Variants in PLS1 observed in about 807,000 individuals in gnomAD.
PLS1 encodes the protein plastin-1.
In PLS1, 32 loss-of-function variants were observed where a neutral mutation model predicts 73.7. That is an observed-to-expected ratio of 0.43 (90% CI 0.33 to 0.58). The LOEUF (loss-of-function observed/expected upper bound fraction) is 0.58, where lower values mean the gene tolerates loss of function less well. Ranked by LOEUF, PLS1 falls within the 20% of genes least tolerant of loss-of-function variation. The pLI, the probability that PLS1 is intolerant of heterozygous loss-of-function variation, is 0.04. For synonymous variants in PLS1, 217 were observed against 261.3 expected (o/e 0.83, Z 1.63); for missense variants, 633 against 740.5 (o/e 0.85, Z 1.68).
At chr3:142,693,345 C>G (rs1183619929) in intron 10 of PLS1, among the ~76,000 whole-genome samples, 1 of 152,130 alleles carries the variant, frequency 6.6e-6, no homozygotes, top group Non-Finnish European at 1.5e-5. Flanking sequence ...CTTTGGCACT[C>G]AATGTGAAGA....
intron 1 of PLS1, among the ~76,000 whole-genome samples, chr3:142,611,928 A>G (rs1334895355): frequency 6.6e-6 from 1 of 152,182 alleles, no homozygotes; most frequent in Non-Finnish European, 1.5e-5. Flanking sequence ...AGACTCAGAA[A>G]GGTTAAATGA....
chr3:142,705,199 C>G (rs369194317), intron 14 of PLS1, among the ~76,000 whole-genome samples: 1 of 151,858 alleles, frequency 6.6e-6, no homozygotes, highest in East Asian at 1.9e-4. Flanking sequence ...AAAAAAAATC[C>G]AGTTATCAAA....
At chr3:142,687,457 AT>A (rs1560069365) in intron 9 of PLS1, among the ~76,000 whole-genome samples, 1 of 152,212 alleles carries the variant, frequency 6.6e-6, no homozygotes, top group Non-Finnish European at 1.5e-5. Context: ...GTCATTACTA[AT>A]TAATTATATC....
chr3:142,655,443 G>A (rs1433764726), intron 1 of PLS1, among the ~76,000 whole-genome samples: 1 of 152,058 alleles, frequency 6.6e-6, no homozygotes, highest in African/African-American at 2.4e-5. Flanking sequence ...ATCACAAGCC[G>A]GGCACCGTGG....
chr3:142,683,854 T>C, intron 6 of PLS1, 152 bp from the exon 7 acceptor site: 1 of 588,840 alleles, frequency 1.7e-6, no homozygotes, highest in South Asian at 2.6e-5. Flanking sequence ...TAAAACCATG[T>C]GTTTTTTTTT....
At chr3:142,606,063 C>G (rs1213481286) in intron 1 of PLS1, among the ~76,000 whole-genome samples, 4 of 152,146 alleles carry the variant, frequency 2.6e-5, no homozygotes, top group Admixed American at 6.5e-5. Flanking sequence ...TTGTAATTTT[C>G]TAGTAATTCA....
intron 6 of PLS1, among the ~76,000 whole-genome samples, chr3:142,679,881 T>C (rs370088995): frequency 0.014 from 2,096 of 152,112 alleles, 19 homozygotes; most frequent in Non-Finnish European, 0.023. Context: ...GCCATTTTCA[T>C]GATATTGATT....
At chr3:142,672,549 T>C (rs1379327993) in intron 4 of PLS1, among the ~76,000 whole-genome samples, 1 of 152,044 alleles carries the variant, frequency 6.6e-6, no homozygotes, top group Admixed American at 6.6e-5. Context: ...TTCACCGTGT[T>C]AGCCAGGATG....
intron 2 of PLS1, among the ~76,000 whole-genome samples, chr3:142,669,156 C>T (rs943329414): frequency 2.6e-5 from 4 of 152,126 alleles, no homozygotes; most frequent in African/African-American, 9.7e-5. Flanking sequence ...AGGCAGTCCC[C>T]TCACCTTAGT....
At chr3:142,633,583 G>C (rs1015868539) in intron 1 of PLS1, among the ~76,000 whole-genome samples, 1 of 152,152 alleles carries the variant, frequency 6.6e-6, no homozygotes, top group Non-Finnish European at 1.5e-5. Context: ...TTGAACCTGG[G>C]AGGTGGAGGT....
At chr3:142,604,381 C>T (rs946316090) in intron 1 of PLS1, among the ~76,000 whole-genome samples, 4 of 152,178 alleles carry the variant, frequency 2.6e-5, no homozygotes, top group Non-Finnish European at 4.4e-5. Flanking sequence ...TCTTTCCTGG[C>T]GGTCTCCCTT....
rs911054056 is a variant in PLS1, at chr3:142,704,014, A to C, written c.1505+13A>C. On this transcript the variant is annotated intron_variant, in intron 13 of 15. Transcript: ENST00000457734. ...AGCTGATGAGAAGGTAAAGGCTGAT[A>C]TGTTGGTAGCAACACTGCCTGTTTC... The C allele has an allele frequency of 6.2e-7, 1 of 1,612,052 alleles. No individual in the cohort carries two copies. Among genetic ancestry groups the C allele is most frequent in the South Asian group, 1.1e-5 (1 of 90,584 alleles).
intron 11 of PLS1, among the ~76,000 whole-genome samples, chr3:142,695,828 CTT>C (rs1236757920): frequency 6.6e-6 from 1 of 151,558 alleles, no homozygotes; most frequent in Non-Finnish European, 1.5e-5. Flanking sequence ...GAGTTTCACT[CTT>C]GTTGCCCAGG....
At chr3:142,679,656 A>G (rs1166936064) in intron 6 of PLS1, among the ~76,000 whole-genome samples, 1 of 151,300 alleles carries the variant, frequency 6.6e-6, no homozygotes, top group East Asian at 1.9e-4. Flanking sequence ...TACCAGTACC[A>G]TGCTGTTTTG....
chr3:142,662,819 A>G (rs2037399546), intron 1 of PLS1, among the ~76,000 whole-genome samples: 1 of 152,230 alleles, frequency 6.6e-6, no homozygotes, highest in Non-Finnish European at 1.5e-5. Context: ...CAACATGAAA[A>G]CATAGTGACA....
At chr3:142,704,322 T>C in intron 13 of PLS1, 141 bp from the exon 14 acceptor site, 1 of 674,136 alleles carries the variant, frequency 1.5e-6, no homozygotes, top group Non-Finnish European at 2.4e-6. Flanking sequence ...GGAATGTAAC[T>C]GGGTGCAAAT....
intron 6 of PLS1, among the ~76,000 whole-genome samples, chr3:142,680,724 G>A (rs2037835002): frequency 1.3e-5 from 2 of 152,044 alleles, no homozygotes; most frequent in Admixed American, 6.6e-5. Context: ...AGTACTTACT[G>A]GGTATCAGTC....
rs541708151 is a variant in PLS1 at position 142,602,236 on chromosome 3, T to C, written c.-37+5727T>C. Among the ~76,000 whole-genome samples the C allele has an allele frequency of 2.6e-5, 4 of 152,138 alleles. No individual in the cohort carries two copies. The South Asian group carries it at 8.3e-4, about 32-fold the overall frequency. ...CTTCTGATCTGCTCCCACCCTCTTT[T>C]GGGGTGGAGCTGTGATTGGGGAGTG... is the stretch of plus-strand genomic sequence containing the variant. On this transcript the variant is annotated intron_variant, in intron 1 of 15. Coordinates refer to ENST00000457734, the MANE Select transcript of PLS1 (RefSeq NM_001145319.2).
At chr3:142,678,954 T>C (rs1211092763) in intron 6 of PLS1, among the ~76,000 whole-genome samples, 1 of 152,204 alleles carries the variant, frequency 6.6e-6, no homozygotes, top group African/African-American at 2.4e-5. Flanking sequence ...GACTTTTTAA[T>C]GATCGCCATT....
Sources: gnomAD v4.1 joint callset for allele counts (sites outside exome capture counted in the v4.1 genomes callset) on GRCh38, gnomAD v4.1.1 for gene constraint, MANE v1.5 for transcripts, NCBI Gene and HGNC (gene_info 2026-07-23, HGNC 2026-07-21) for gene names.